The following SCN9A variants were observed in gnomAD, a reference collection of about 807,000 sequenced individuals.
SCN9A encodes sodium channel protein type 9 subunit alpha.
In SCN9A, 131 loss-of-function variants were observed where a neutral mutation model predicts 187.0. The ratio of observed to expected loss-of-function variants is 0.70; its 90% CI spans 0.61 to 0.81. The LOEUF is 0.81. Ranked by LOEUF, SCN9A falls within the 30% of genes least tolerant of loss-of-function variation. The pLI is 0.00. For synonymous variants in SCN9A, 809 were observed against 808.6 expected, an observed-to-expected ratio of 1.00 and a Z score of -0.01; for missense variants, 2,252 against 2,396.6, an observed-to-expected ratio of 0.94 and a Z score of 1.26.
At chr2:166,370,339 T>C (rs966095862) in intron 1 of SCN9A, among the ~76,000 whole-genome samples, 13 of 150,906 alleles carry the variant, frequency 8.6e-5, no homozygotes, top group East Asian at 5.9e-4. Context: ...GTCAGGAGAT[T>C]GAGACCATCC....
intron 1 of SCN9A, among the ~76,000 whole-genome samples, chr2:166,326,576 G>A (rs1013729209): frequency 1.3e-5 from 2 of 152,186 alleles, no homozygotes; most frequent in African/African-American, 4.8e-5. Flanking sequence ...TACCAAGACA[G>A]CAGGAATGAC....
intron 24 of SCN9A, among the ~76,000 whole-genome samples, chr2:166,223,013 C>T (rs1694689959): frequency 1.0e-5 from 1 of 98,770 alleles, no homozygotes; most frequent in African/African-American, 3.8e-5. Context: ...TTCATACCTG[C>T]TAGGATGGCT....
At chr2:166,230,562 C>T (rs1695039174) in intron 21 of SCN9A, among the ~76,000 whole-genome samples, 1 of 152,158 alleles carries the variant, frequency 6.6e-6, no homozygotes, top group African/African-American at 2.4e-5. Context: ...GTATCACTGC[C>T]TTGAATGCCT....
chr2:166,212,128 C>G (rs762110075), intron 24 of SCN9A, among the ~76,000 whole-genome samples: 14 of 152,168 alleles, frequency 9.2e-5, no homozygotes, highest in Non-Finnish European at 1.6e-4. Context: ...GCTATACAGT[C>G]GTCCTTCAGT....
intron 24 of SCN9A, among the ~76,000 whole-genome samples, chr2:166,221,861 A>G (rs969321558): frequency 6.6e-6 from 1 of 152,172 alleles, no homozygotes; most frequent in African/African-American, 2.4e-5. Context: ...CCAAGAATAC[A>G]CAATAGAAAA....
chr2:166,254,727 A>G (rs1334970312), intron 17 of SCN9A, among the ~76,000 whole-genome samples: 1 of 151,548 alleles, frequency 6.6e-6, no homozygotes. Flanking sequence ...TAAATGCTTT[A>G]GTATGAAAGA....
At chr2:166,340,712 T>C (rs1344431280) in intron 1 of SCN9A, among the ~76,000 whole-genome samples, 1 of 151,736 alleles carries the variant, frequency 6.6e-6, no homozygotes. Context: ...CCTCCACCTC[T>C]GGGATTCAAG....
chr2:166,210,433 A>C (rs1296129056), intron 24 of SCN9A, among the ~76,000 whole-genome samples: 1 of 151,904 alleles, frequency 6.6e-6, no homozygotes, highest in East Asian at 1.9e-4. Flanking sequence ...CACGTTGTGC[A>C]CATGTACCCT....
intron 20 of SCN9A, among the ~76,000 whole-genome samples, chr2:166,235,377 A>T (rs59264232): frequency 0.021 from 3,136 of 152,262 alleles, 120 homozygotes; most frequent in African/African-American, 0.072. Context: ...CCTGTACTGA[A>T]GAACACTGTT....
At chr2:166,199,897 A>T in intron 26 of SCN9A, 33 bp from the exon 27 acceptor site, 1 of 1,563,790 alleles carries the variant, frequency 6.4e-7, no homozygotes, top group Non-Finnish European at 8.8e-7. Context: ...GAAATAAAAT[A>T]TTTAAAGATG....
In SCN9A at chr2:166,201,931, A is replaced by C. The variant is rs75525175; in HGVS notation, c.4774+2024T>G. 7.4e-3 allele frequency among the ~76,000 whole-genome samples: 1,113 copies of C among 150,882 alleles called. 14 individuals are homozygous for C. The highest frequency in any genetic ancestry group is 0.053 in the South Asian group (252 of 4,788). ...GCATTTTTTGTGAAAATAATCCACAATTTTCCTTGTGTTTTGTTATTTTGT... is the reference window on the plus strand; with the variant it reads ...GCATTTTTTGTGAAAATAATCCACACTTTTCCTTGTGTTTTGTTATTTTGT... On this transcript the variant is annotated intron_variant, in intron 26 of 26. Transcript: ENST00000642356.
chr2:166,355,527 G>A (rs767585211), intron 1 of SCN9A, among the ~76,000 whole-genome samples: 23 of 151,460 alleles, frequency 1.5e-4, no homozygotes, highest in Non-Finnish European at 2.9e-4. Flanking sequence ...GTGTGGGTGT[G>A]TGTGCACACG....
intron 6 of SCN9A, 130 bp from the exon 7 acceptor site, chr2:166,303,432 C>G (rs1016595418): frequency 5.7e-6 from 4 of 699,210 alleles, no homozygotes; most frequent in African/African-American, 3.7e-5. Flanking sequence ...TCAAAAAAAG[C>G]CTTCTGGGTT....
At chr2:166,203,703 C>G (rs1376331368) in intron 26 of SCN9A, among the ~76,000 whole-genome samples, 1 of 151,890 alleles carries the variant, frequency 6.6e-6, no homozygotes, top group African/African-American at 2.4e-5. Flanking sequence ...ATATTGGAAA[C>G]TAAATATCAA....
rs1337886698 is a variant in SCN9A at position 166,204,105 on chromosome 2, G to A, written c.4624C>T (p.His1542Tyr). Residue 1542 changes from histidine to tyrosine, a missense_variant, in exon 26 of 27, where the codon CAT becomes TAT. Physicochemically the swap from His to Tyr is moderately conservative, Grantham distance 83. Around this residue, in one of 7 missense-constraint regions of SCN9A, gnomAD observed 368 missense variants for 408.6 expected, o/e 0.90. Transcript: ENST00000642356. ...ATCCAATATAAAACTTCAGTCATAT[G>A]TTGACTTTGACCCTCCTTTTCTACC... ...MMVEKEGQSQ[H>Y]MTEVLYWINV... 2.5e-6 allele frequency: 4 copies of A among 1,612,484 alleles called. 1 individual carries two copies. The Admixed American group carries it at 5.0e-5, about 20-fold the overall frequency.
chr2:166,365,139 T>C (rs914654732), intron 1 of SCN9A, among the ~76,000 whole-genome samples: 13 of 152,188 alleles, frequency 8.5e-5, no homozygotes, highest in Non-Finnish European at 1.9e-4. Context: ...ATTGTAATCT[T>C]TGTCTTATTA....
At chr2:166,259,528 A>C (rs1422952524) in intron 17 of SCN9A, among the ~76,000 whole-genome samples, 1 of 151,822 alleles carries the variant, frequency 6.6e-6, no homozygotes, top group Admixed American at 6.6e-5. Context: ...CTACTCTACT[A>C]TTTAAAAATT....
intron 23 of SCN9A, 80 bp from the exon 24 acceptor site, chr2:166,226,784 T>A: frequency 9.2e-7 from 1 of 1,083,880 alleles, no homozygotes; most frequent in Non-Finnish European, 1.3e-6. Flanking sequence ...ACCAGGTAAT[T>A]CAAACAGTGC....
chr2:166,217,024 G>A (rs781181698), intron 24 of SCN9A, among the ~76,000 whole-genome samples: 8 of 152,046 alleles, frequency 5.3e-5, no homozygotes, highest in South Asian at 2.1e-4. Context: ...ATTGGCTAAT[G>A]GAAAAGGATA....
Sources: gnomAD v4.1 joint callset for allele counts (sites outside exome capture counted in the v4.1 genomes callset) on GRCh38, gnomAD v4.1.1 for gene constraint, gnomAD v4.1.1 regional missense constraint, MANE v1.5 for transcripts, NCBI Gene and HGNC (gene_info 2026-07-23, HGNC 2026-07-21) for gene names.